Variants in TENM3 observed in about 807,000 individuals in gnomAD.
The protein encoded by TENM3 is teneurin-3.
A neutral mutation model predicts 255.1 loss-of-function variants in TENM3; 63 were observed. The observed-to-expected ratio is 0.25, with a 90% CI of 0.20 to 0.30. TENM3 has a LOEUF of 0.30. Among genes scored for constraint, TENM3 ranks in the 10% least tolerant of loss-of-function variants. TENM3 has a pLI of 1.00. For missense variants in TENM3, 2,929 were observed against 3,461.1 expected, an observed-to-expected ratio of 0.85 and a Z score of 3.86; for synonymous variants, 1,306 against 1,322.3, an observed-to-expected ratio of 0.99 and a Z score of 0.27.
At chr4:182,647,336 A>C (rs1752845138) in intron 5 of TENM3, among the ~76,000 whole-genome samples, 1 of 152,222 alleles carries the variant, frequency 6.6e-6, no homozygotes, top group Admixed American at 6.5e-5. Context: ...TTTTTATAGT[A>C]TGAAACTAAA....
At chr4:181,787,885 G>T in the TENM3 span, among the ~76,000 whole-genome samples, 1 of 152,040 alleles carries the variant, frequency 6.6e-6, no homozygotes, top group African/African-American at 2.4e-5. Flanking sequence ...ACTGTAGTCC[G>T]CACAACTCAG....
chr4:181,833,486 A>G, the TENM3 span, among the ~76,000 whole-genome samples: 1 of 152,334 alleles, frequency 6.6e-6, no homozygotes, highest in Non-Finnish European at 1.5e-5. Flanking sequence ...TGCCATGCTT[A>G]AAACCTCTGA....
chr4:182,715,923 T>A (rs543981981), intron 13 of TENM3, among the ~76,000 whole-genome samples: 2 of 152,358 alleles, frequency 1.3e-5, no homozygotes, highest in South Asian at 4.1e-4. Flanking sequence ...TCAAGAAACT[T>A]GAGCCACAAA....
At chr4:182,729,483 G>A (rs958352788) in intron 14 of TENM3, among the ~76,000 whole-genome samples, 1 of 151,284 alleles carries the variant, frequency 6.6e-6, no homozygotes, top group Non-Finnish European at 1.5e-5. Flanking sequence ...GCAGTGAAAA[G>A]ACCCCAAAAG....
At chr4:181,554,810 C>T in the TENM3 span, among the ~76,000 whole-genome samples, 1 of 152,170 alleles carries the variant, frequency 6.6e-6, no homozygotes, top group East Asian at 1.9e-4. Flanking sequence ...AGCAAGTTGG[C>T]TTTAAAGAAA....
chr4:181,796,264 C>T, the TENM3 span, among the ~76,000 whole-genome samples: 2 of 152,284 alleles, frequency 1.3e-5, no homozygotes, highest in South Asian at 2.1e-4. Context: ...CACTAGGTCT[C>T]GGACCCAATC....
chr4:181,565,747 G>T, the TENM3 span, among the ~76,000 whole-genome samples: 8 of 152,128 alleles, frequency 5.3e-5, no homozygotes. Flanking sequence ...TCATGCTAGA[G>T]AATTATATTA....
the TENM3 span, among the ~76,000 whole-genome samples, chr4:181,833,500 G>T: frequency 6.6e-6 from 1 of 152,188 alleles, no homozygotes; most frequent in African/African-American, 2.4e-5. Flanking sequence ...CCTCTGATTA[G>T]TTTCTAGCTG....
chr4:181,694,909 T>C, the TENM3 span, among the ~76,000 whole-genome samples: 1 of 152,242 alleles, frequency 6.6e-6, no homozygotes, highest in Non-Finnish European at 1.5e-5. Context: ...ATTGCCTCTC[T>C]GTCACCTTAA....
chr4:182,073,201 C>A, the TENM3 span, among the ~76,000 whole-genome samples: 1 of 152,162 alleles, frequency 6.6e-6, no homozygotes, highest in Non-Finnish European at 1.5e-5. Context: ...AGAGTGAGTG[C>A]AAGCAAGCAG....
chr4:182,353,103 G>A (rs540257926), intron 3 of TENM3, among the ~76,000 whole-genome samples: 2 of 152,220 alleles, frequency 1.3e-5, no homozygotes, highest in Non-Finnish European at 2.9e-5. Flanking sequence ...TTTGGAGGAA[G>A]GGGTACTGTC....
the TENM3 span, among the ~76,000 whole-genome samples, chr4:181,964,042 T>C: frequency 6.6e-6 from 1 of 151,516 alleles, no homozygotes; most frequent in African/African-American, 2.4e-5. Context: ...ATTGAATTGA[T>C]TCAGACTAAA....
At chr4:181,594,175 C>T in the TENM3 span, among the ~76,000 whole-genome samples, 1 of 152,026 alleles carries the variant, frequency 6.6e-6, no homozygotes, top group Admixed American at 6.5e-5. Flanking sequence ...ACTTATTATG[C>T]TTTTTACAAA....
the TENM3 span, chr4:181,820,210 G>A: frequency 6.6e-6 from 1 of 152,194 alleles, no homozygotes; most frequent in South Asian, 2.1e-4. Flanking sequence ...CCATACCCAT[G>A]GCTGTGCTTT....
intron 3 of TENM3, among the ~76,000 whole-genome samples, chr4:182,374,076 A>G (rs1767020933): frequency 6.6e-6 from 1 of 152,128 alleles, no homozygotes; most frequent in Non-Finnish European, 1.5e-5. Flanking sequence ...CTCTAACGGG[A>G]GCTACAGTCA....
At chr4:182,210,847 C>T (rs115543938) in intron 1 of TENM3, among the ~76,000 whole-genome samples, 1,798 of 152,268 alleles carry the variant, frequency 0.012, 26 homozygotes, top group African/African-American at 0.04. Context: ...AGTCTAGGTA[C>T]CCTCTCTCCG....
chr4:182,552,976 C>T (rs1580913948), intron 3 of TENM3, among the ~76,000 whole-genome samples: 1 of 152,200 alleles, frequency 6.6e-6, no homozygotes, highest in East Asian at 1.9e-4. Context: ...CGAGCCAACA[C>T]TTGGTTCCGG....
intron 18 of TENM3, among the ~76,000 whole-genome samples, chr4:182,741,237 G>A (rs918379986): frequency 6.6e-6 from 1 of 152,184 alleles, no homozygotes; most frequent in African/African-American, 2.4e-5. Flanking sequence ...CTCAGCCACA[G>A]GGTGAACAGA....
the TENM3 span, among the ~76,000 whole-genome samples, chr4:181,714,889 G>A: frequency 6.6e-6 from 1 of 152,130 alleles, no homozygotes; most frequent in Non-Finnish European, 1.5e-5. Flanking sequence ...ACTTCGCAAA[G>A]TTTTAAAATC....
Sources: allele counts gnomAD v4.1 joint callset (sites outside exome capture counted in the v4.1 genomes callset), GRCh38; gene constraint gnomAD v4.1.1; transcripts MANE v1.5; gene names NCBI Gene and HGNC (gene_info 2026-07-23, HGNC 2026-07-21).